Variants in SGCD observed in about 807,000 individuals in gnomAD.
SGCD encodes the protein delta-sarcoglycan.
In SGCD, 18 loss-of-function variants were observed where a neutral mutation model predicts 36.6. That is an observed-to-expected ratio of 0.49 (90% CI 0.34 to 0.73). The LOEUF (loss-of-function observed/expected upper bound fraction) is 0.73. Among genes scored for constraint, SGCD ranks in the 30% least tolerant of loss-of-function variants. SGCD has a pLI of 0.01. For missense variants in SGCD, 387 were observed against 346.7 expected (o/e 1.12, Z -0.92); for synonymous variants, 133 against 130.6 (o/e 1.02, Z -0.12).
At chr5:156,577,666 C>G (rs1264255658) in intron 4 of SGCD, among the ~76,000 whole-genome samples, 3 of 152,138 alleles carry the variant, frequency 2.0e-5, no homozygotes, top group Non-Finnish European at 4.4e-5. Context: ...GTATTTTATT[C>G]CCTTTGTAGC....
At chr5:156,579,790 T>G (rs1354766515) in intron 4 of SGCD, among the ~76,000 whole-genome samples, 1 of 152,190 alleles carries the variant, frequency 6.6e-6, no homozygotes, top group African/African-American at 2.4e-5. Context: ...ATCCCCTTAT[T>G]TTGAGCCTAT....
intron 7 of SGCD, among the ~76,000 whole-genome samples, chr5:156,654,818 C>T (rs570387285): frequency 1.7e-3 from 257 of 152,196 alleles, no homozygotes; most frequent in African/African-American, 5.6e-3. Flanking sequence ...TCTGCCTTCA[C>T]CTAATTTTCT....
At chr5:156,757,263 C>CAAAAAAAAAAAA (rs34767809) in intron 7 of SGCD, among the ~76,000 whole-genome samples, 2 of 69,386 alleles carry the variant, frequency 2.9e-5, no homozygotes, top group Non-Finnish European at 4.9e-5. Flanking sequence ...CTTACTTTTA[C>CAAAAAAAAAAAA]AAAAAAAAAA....
chr5:156,594,761 A>G lies in SGCD; in HGVS notation c.383-171A>G, dbSNP rs888841. Reference sequence around the variant, plus strand: ...GGCTAAAGTCATGAGACTGATTTTCATGGTCAGCTTTTGAAAACCAGTCCA... The same window carrying G: ...GGCTAAAGTCATGAGACTGATTTTCGTGGTCAGCTTTTGAAAACCAGTCCA... On this transcript the variant is annotated intron_variant, in intron 5 of 8. Coordinates refer to ENST00000337851, the MANE Select transcript of SGCD (RefSeq NM_000337.6). Among the ~76,000 whole-genome samples the G allele has an allele frequency of 0.022, 3,296 of 152,320 alleles. 120 individuals are homozygous for G. The highest frequency in any genetic ancestry group is 0.073 in the African/African-American group (3,047 of 41,564).
intron 7 of SGCD, among the ~76,000 whole-genome samples, chr5:156,655,638 C>A (rs954589166): frequency 2.6e-5 from 4 of 152,120 alleles, no homozygotes; most frequent in Non-Finnish European, 5.9e-5. Context: ...TTTATTCTTG[C>A]AAGGTAATTC....
In SGCD at chr5:156,078,510, C is replaced by CAA. The variant is rs60477201; in HGVS notation, c.-281-39358_-281-39357dup. On this transcript the variant is annotated intron_variant, in intron 1 of 9. Coordinates refer to the SGCD transcript ENST00000517913. The stretch of plus-strand genomic sequence containing the variant: ...CCTGGGCAACAAAGTAAGACTGTCT[C>CAA]AAAAAAAAAAATATATATATATATA... Among the ~76,000 whole-genome samples the CAA allele has an allele frequency of 3.1e-4, 31 of 100,724 alleles. No individual in the cohort carries two copies. The South Asian group carries it at 3.2e-3, about 10-fold the overall frequency. The allele number at this position is 100,724 out of a possible 152,430, so 66.1% of individuals were successfully genotyped here. A position where few individuals can be genotyped will look rare whatever the true frequency, so the allele number is the denominator to read the frequency against.
At chr5:156,363,816 T>C (rs992780701) in intron 3 of SGCD, among the ~76,000 whole-genome samples, 1 of 152,248 alleles carries the variant, frequency 6.6e-6, no homozygotes, top group Non-Finnish European at 1.5e-5. Flanking sequence ...TGTCTTTTTC[T>C]GTCTACCTGG....
the SGCD span, among the ~76,000 whole-genome samples, chr5:155,796,921 T>C: frequency 7.1e-6 from 1 of 141,020 alleles, no homozygotes; most frequent in African/African-American, 2.7e-5. Flanking sequence ...AAATACGAGG[T>C]AAAATTAATT....
At chr5:156,222,412 T>G (rs1764737438) in intron 3 of SGCD, among the ~76,000 whole-genome samples, 1 of 152,052 alleles carries the variant, frequency 6.6e-6, no homozygotes, top group African/African-American at 2.4e-5. Context: ...GACTTAAAAT[T>G]TTTTTTTGCA....
intron 3 of SGCD, among the ~76,000 whole-genome samples, chr5:156,128,426 T>G (rs1047452469): frequency 6.6e-6 from 1 of 152,212 alleles, no homozygotes; most frequent in Non-Finnish European, 1.5e-5. Flanking sequence ...GCACACATTT[T>G]CTTTATAACT....
chr5:156,135,414 A>T (rs188999840), intron 3 of SGCD, among the ~76,000 whole-genome samples: 185 of 152,258 alleles, frequency 1.2e-3, no homozygotes, highest in Non-Finnish European at 2.3e-3. Context: ...GACACCTGGT[A>T]CATGTGCTAC....
At position 156,536,432 on chromosome 5, in the gene SGCD, TA is replaced by T. The variant is rs1363012233; in HGVS notation, c.294+27731del. Among the ~76,000 whole-genome samples the T allele has an allele frequency of 5.3e-5, 8 of 152,322 alleles. 1 individual carries two copies. Among genetic ancestry groups the T allele is most frequent in the African/African-American group, 1.4e-4 (6 of 41,578 alleles). ...CTCTTTGCAGGCAAAATTCCTGTTA[TA>T]GGACTTAGTCATCATCGCATTTATT... On this transcript the variant is annotated intron_variant, in intron 4 of 8. Coordinates refer to ENST00000337851, the MANE Select transcript of SGCD (RefSeq NM_000337.6).
chr5:156,432,363 T>C (rs775798822), intron 3 of SGCD, among the ~76,000 whole-genome samples: 11 of 152,218 alleles, frequency 7.2e-5, no homozygotes, highest in Non-Finnish European at 1.3e-4. Flanking sequence ...TTCTTTGTCA[T>C]GGGTTGCTGT....
chr5:155,907,284 A>T (rs1015860281), intron 1 of SGCD, among the ~76,000 whole-genome samples: 1 of 152,098 alleles, frequency 6.6e-6, no homozygotes, highest in Non-Finnish European at 1.5e-5. Flanking sequence ...AAGATCCCTG[A>T]TGGGGATGTA....
chr5:156,647,905 G>T (rs959488470), intron 7 of SGCD, among the ~76,000 whole-genome samples: 1 of 152,112 alleles, frequency 6.6e-6, no homozygotes. Context: ...AATACAATAC[G>T]ATGTCTTATT....
chr5:156,660,430 G>T (rs1056031044), intron 7 of SGCD, among the ~76,000 whole-genome samples: 11 of 152,406 alleles, frequency 7.2e-5, no homozygotes, highest in Non-Finnish European at 1.3e-4. Flanking sequence ...TCTCCGATGG[G>T]TTCATTGTAG....
chr5:155,769,347 T>G, the SGCD span, among the ~76,000 whole-genome samples: 1 of 151,752 alleles, frequency 6.6e-6, no homozygotes, highest in African/African-American at 2.4e-5. Flanking sequence ...ATTTCATGAA[T>G]TTTAGATTAT....
chr5:156,596,358 C>T (rs974195399), intron 6 of SGCD, among the ~76,000 whole-genome samples: 21 of 152,110 alleles, frequency 1.4e-4, no homozygotes, highest in Admixed American at 1.1e-3. Context: ...TATCTAATCT[C>T]TCTGTGCCTG....
intron 6 of SGCD, among the ~76,000 whole-genome samples, chr5:156,606,197 T>C: frequency 6.6e-6 from 1 of 152,250 alleles, no homozygotes; most frequent in Non-Finnish European, 1.5e-5. Context: ...TTTAAGTCTT[T>C]AATCCATCTT....
Sources: allele counts gnomAD v4.1 joint callset (sites outside exome capture counted in the v4.1 genomes callset), GRCh38; gene constraint gnomAD v4.1.1; transcripts MANE v1.5; gene names NCBI Gene and HGNC (gene_info 2026-07-23, HGNC 2026-07-21).